TNFSF8: variants seen among roughly 807,000 people sequenced by gnomAD.
TNFSF8 encodes TNF superfamily member 8.
Under a neutral mutation model 22.0 loss-of-function variants are expected in TNFSF8, and 4 were observed. That is an observed-to-expected ratio of 0.18 (90% confidence interval 0.09 to 0.42). The LOEUF (loss-of-function observed/expected upper bound fraction) is 0.42, where lower values mean the gene tolerates loss of function less well. TNFSF8 is among the 10% of genes least tolerant of loss of function. The probability of loss-of-function intolerance (pLI) is 1.00; values close to 1 mark genes in which losing one functional copy is unlikely to be tolerated. For missense variants in TNFSF8, 233 were observed against 281.8 expected (o/e 0.83, Z 1.24); for synonymous variants, 106 against 112.5 (o/e 0.94, Z 0.37).
Position 114,901,514 on chromosome 9 carries a change from G to A in TNFSF8, c.*2417C>T. The A allele has an allele frequency of 1.1e-5, 11 of 985,222 alleles. No homozygotes were observed. The highest frequency in any genetic ancestry group is 1.3e-5 in the Non-Finnish European group (11 of 829,756). The allele number at this position is 985,222 out of a possible 1,614,324, so 61.0% of individuals were successfully genotyped here. On this transcript the variant is annotated 3_prime_UTR_variant, in exon 4 of 4. Transcript: ENST00000223795. ...TGGAATCTTTCTCGAGTTAGAATGT[G>A]AGATGGCAAAAAAATTGCTTAGTTA...
intron 2 of TNFSF8, among the ~76,000 whole-genome samples, chr9:114,913,399 C>T (rs975174336): frequency 6.6e-6 from 1 of 152,192 alleles, no homozygotes; most frequent in Admixed American, 6.5e-5. Context: ...CTAGAACCCT[C>T]GCCATGGACC....
chr9:114,912,327 T>C (rs1483804793), intron 2 of TNFSF8, among the ~76,000 whole-genome samples: 2 of 152,192 alleles, frequency 1.3e-5, no homozygotes, highest in African/African-American at 4.8e-5. Context: ...TGTAGAAACT[T>C]AAGCCAACAC....
rs1003944108 is a variant in TNFSF8 at position 114,901,433 on chromosome 9, TCA to T, written c.*2496_*2497del. The T allele has an allele frequency of 2.0e-6, 2 of 985,432 alleles. No individual in the cohort carries two copies. Among genetic ancestry groups the T allele is most frequent in the Non-Finnish European group, 2.4e-6 (2 of 829,926 alleles). The allele number at this position is 985,432 out of a possible 1,614,324, so 61.0% of individuals were successfully genotyped here. ...GACAGAGACTGAGATTAGAAACCACTCACAGTGCAAAAGTCAGGTACCTCTGC... is the reference window on the plus strand; with the variant it reads ...GACAGAGACTGAGATTAGAAACCACTCAGTGCAAAAGTCAGGTACCTCTGC... On this transcript the variant is annotated 3_prime_UTR_variant, in exon 4 of 4. Transcript: ENST00000223795.
At chr9:114,896,911 T>C (rs1827661148), downstream of TNFSF8, among the ~76,000 whole-genome samples, 1 of 151,962 alleles carries the variant, frequency 6.6e-6, no homozygotes, top group African/African-American at 2.4e-5. Flanking sequence ...TTTTCTTTCT[T>C]TTTTTTTGAG....
downstream of TNFSF8, among the ~76,000 whole-genome samples, chr9:114,896,865 T>A (rs1231161103): frequency 6.6e-6 from 1 of 152,168 alleles, no homozygotes; most frequent in Non-Finnish European, 1.5e-5. Context: ...CTTTCTCTAA[T>A]AGGCATTCTT....
intron 2 of TNFSF8, among the ~76,000 whole-genome samples, chr9:114,915,084 A>T (rs1239745793): frequency 2.0e-5 from 3 of 152,138 alleles, no homozygotes; most frequent in African/African-American, 7.2e-5. Flanking sequence ...GACAAACCAC[A>T]TGCTGCCCCT....
intron 2 of TNFSF8, among the ~76,000 whole-genome samples, chr9:114,910,988 C>T (rs1228171023): frequency 1.3e-5 from 2 of 152,178 alleles, no homozygotes; most frequent in African/African-American, 4.8e-5. Context: ...GTATGGATGT[C>T]ATGAAGATGC....
chr9:114,920,402 C>T (rs998840578), intron 1 of TNFSF8, among the ~76,000 whole-genome samples: 19 of 152,308 alleles, frequency 1.2e-4, no homozygotes, highest in African/African-American at 4.6e-4. Context: ...TGCAGCACAC[C>T]TTGAATGAGC....
At position 114,918,688 on chromosome 9, in the gene TNFSF8, G is replaced by A. The variant is rs566236589; in HGVS notation, c.196-550C>T. Among the ~76,000 whole-genome samples the A allele has an allele frequency of 9.2e-5, 14 of 152,228 alleles. No individual in the cohort carries two copies. The East Asian group carries it at 2.5e-3, about 27-fold the overall frequency. ...ACTATCTTGGCTCACTGCAACCTCC[G>A]CCTCCCAGTTCAGGTGATTCTCCTG... On this transcript the variant is annotated intron_variant, in intron 1 of 3. Coordinates refer to ENST00000223795, the MANE Select transcript of TNFSF8 (RefSeq NM_001244.4).
At chr9:114,905,978 C>G in intron 2 of TNFSF8, 79 bp from the exon 3 acceptor site, 1 of 919,626 alleles carries the variant, frequency 1.1e-6, no homozygotes, top group African/African-American at 1.6e-5. Context: ...TTCTACAACA[C>G]TTTGATGGAG....
chr9:114,897,051 T>A (rs1827662607), downstream of TNFSF8, among the ~76,000 whole-genome samples: 1 of 152,058 alleles, frequency 6.6e-6, no homozygotes, highest in African/African-American at 2.4e-5. Context: ...TACAGGCATG[T>A]GCCACCACGC....
At chr9:114,906,735 T>C (rs1827790064) in intron 2 of TNFSF8, among the ~76,000 whole-genome samples, 1 of 152,210 alleles carries the variant, frequency 6.6e-6, no homozygotes, top group South Asian at 2.1e-4. Flanking sequence ...ATATTTTTCA[T>C]ATATTCACTA....
chr9:114,926,590 C>T (rs549025415), intron 1 of TNFSF8, among the ~76,000 whole-genome samples: 24 of 152,228 alleles, frequency 1.6e-4, no homozygotes, highest in Admixed American at 1.2e-3. Flanking sequence ...TCGTACTATG[C>T]GACTCTTCAA....
At chr9:114,893,823 T>C in exon 5 of TNFSF8, 1 of 444,170 alleles carries the variant, frequency 2.3e-6, no homozygotes, top group Non-Finnish European at 4.1e-6. Flanking sequence ...TGATTAATTC[T>C]GGGAAGGAAA....
intron 1 of TNFSF8, among the ~76,000 whole-genome samples, chr9:114,922,831 G>C (rs2131349239): frequency 2.0e-5 from 3 of 152,236 alleles, no homozygotes; most frequent in Admixed American, 2.0e-4. Context: ...ACCAGCATCG[G>C]GGGATTTTGG....
chr9:114,922,147 G>A (rs1021556447), intron 1 of TNFSF8, among the ~76,000 whole-genome samples: 5 of 152,206 alleles, frequency 3.3e-5, no homozygotes, highest in African/African-American at 1.2e-4. Flanking sequence ...TTTGAGCACT[G>A]CCTTGGTGTT....
Position 114,903,715 on chromosome 9 carries a change from A to G in TNFSF8, c.*216T>C, listed in dbSNP as rs1827746302. On this transcript the variant is annotated 3_prime_UTR_variant, in exon 4 of 4. Transcript: ENST00000223795. ...TGTGGGGCTCTGCCCACCACACTAC[A>G]TTGCTTCCCTGCCTGCTATCTGAAA... 7.6e-7 allele frequency: 1 copy of G among 1,310,526 alleles called. No individual in the cohort carries two copies. The highest frequency in any genetic ancestry group is 2.1e-5 in the South Asian group (1 of 47,204). 81.2% of individuals were successfully genotyped at this position (1,310,526 alleles called of 1,614,324 possible).
chr9:114,899,342 A>ATTTTTTTTTTTTTTTTTTTTT (rs137946179), downstream of TNFSF8, among the ~76,000 whole-genome samples: 2 of 142,632 alleles, frequency 1.4e-5, 1 homozygote. Flanking sequence ...ACAGTAAGTT[A>ATTTTTTTTTTTTTTTTTTTTT]TTATTTTTTT....
chr9:114,922,805 C>T (rs1828005377), intron 1 of TNFSF8, among the ~76,000 whole-genome samples: 1 of 152,128 alleles, frequency 6.6e-6, no homozygotes, highest in South Asian at 2.1e-4. Flanking sequence ...AGTGCTTCTC[C>T]CACTTTAAAA....
Sources: gnomAD v4.1 joint callset for allele counts (sites outside exome capture counted in the v4.1 genomes callset) on GRCh38, gnomAD v4.1.1 for gene constraint, MANE v1.5 for transcripts, NCBI Gene and HGNC (gene_info 2026-07-23, HGNC 2026-07-21) for gene names.